ACTR3C: variants seen among roughly 807,000 people sequenced by gnomAD.
ACTR3C encodes the protein actin-related protein 3C.
Under a neutral mutation model 26.3 loss-of-function variants are expected in ACTR3C, and 18 were observed. That is an observed-to-expected ratio of 0.68 (90% confidence interval 0.47 to 1.01). ACTR3C has a LOEUF of 1.01. Among genes scored for constraint, ACTR3C ranks in the 50% least tolerant of loss-of-function variants. The pLI is 0.00. For synonymous variants in ACTR3C, 55 were observed against 94.5 expected, an observed-to-expected ratio of 0.58 and a Z score of 2.42; for missense variants, 184 against 250.7, an observed-to-expected ratio of 0.73 and a Z score of 1.80.
intron 6 of ACTR3C, among the ~76,000 whole-genome samples, chr7:150,263,539 C>A (rs1425711771): frequency 1.3e-5 from 2 of 150,892 alleles, no homozygotes; most frequent in Admixed American, 6.6e-5. Context: ...CAGAAAGAGA[C>A]AACACAGGAT....
At chr7:150,149,367 T>C in the ACTR3C span, among the ~76,000 whole-genome samples, 1 of 151,936 alleles carries the variant, frequency 6.6e-6, no homozygotes, top group African/African-American at 2.4e-5. Flanking sequence ...TATTATACTT[T>C]AAGTTCTAGG....
chr7:150,019,265 G>A, the ACTR3C span, among the ~76,000 whole-genome samples: 1 of 150,316 alleles, frequency 6.7e-6, no homozygotes, highest in Admixed American at 6.6e-5. Flanking sequence ...TACAGCCAGG[G>A]TTTTGTGAAA....
At chr7:149,908,869 C>T in the ACTR3C span, among the ~76,000 whole-genome samples, 6 of 151,886 alleles carry the variant, frequency 4.0e-5, no homozygotes, top group African/African-American at 1.2e-4. Context: ...GCAACCTCCA[C>T]CCCCCAGCTT....
At chr7:150,083,097 C>T in the ACTR3C span, among the ~76,000 whole-genome samples, 1 of 150,984 alleles carries the variant, frequency 6.6e-6, no homozygotes, top group Non-Finnish European at 1.5e-5. Context: ...AGGCACATAC[C>T]ACCATGCCCA....
the ACTR3C span, among the ~76,000 whole-genome samples, chr7:150,186,553 C>T: frequency 0.016 from 2,457 of 152,206 alleles, 74 homozygotes; most frequent in African/African-American, 0.056. Flanking sequence ...GGACTAACTC[C>T]CAATCCAGAT....
At chr7:150,042,128 C>G in the ACTR3C span, among the ~76,000 whole-genome samples, 1 of 61,404 alleles carries the variant, frequency 1.6e-5, no homozygotes, top group African/African-American at 7.5e-5. Flanking sequence ...CGATGGGGGT[C>G]CTAAGAGCCA....
chr7:150,060,205 C>G, the ACTR3C span, among the ~76,000 whole-genome samples: 1 of 152,056 alleles, frequency 6.6e-6, no homozygotes, highest in African/African-American at 2.4e-5. Context: ...ATTCTACATG[C>G]AGAGTCTATG....
chr7:150,142,294 G>A, the ACTR3C span, among the ~76,000 whole-genome samples: 3 of 152,130 alleles, frequency 2.0e-5, no homozygotes, highest in East Asian at 3.9e-4. Context: ...AATAGGATGC[G>A]TGTTAGAACC....
At chr7:150,102,367 T>C in the ACTR3C span, among the ~76,000 whole-genome samples, 1 of 152,002 alleles carries the variant, frequency 6.6e-6, no homozygotes. Context: ...TGAAATTAAA[T>C]ATAGAATATT....
the ACTR3C span, among the ~76,000 whole-genome samples, chr7:150,128,968 C>T: frequency 3.2e-4 from 48 of 150,584 alleles, no homozygotes; most frequent in Non-Finnish European, 3.3e-4. Context: ...ACTGAGGACA[C>T]AAAGCCCAGA....
At chr7:150,135,443 C>T in the ACTR3C span, among the ~76,000 whole-genome samples, 3 of 152,060 alleles carry the variant, frequency 2.0e-5, no homozygotes, top group East Asian at 1.9e-4. Context: ...AAGGAGGGAC[C>T]GGAATGGTTA....
At chr7:150,057,116 A>G in the ACTR3C span, among the ~76,000 whole-genome samples, 1 of 152,144 alleles carries the variant, frequency 6.6e-6, no homozygotes, top group Non-Finnish European at 1.5e-5. Context: ...TTTATCAAAT[A>G]ACATAGAATT....
the ACTR3C span, among the ~76,000 whole-genome samples, chr7:149,923,953 C>T: frequency 7.3e-5 from 11 of 151,528 alleles, no homozygotes; most frequent in South Asian, 2.1e-4. Flanking sequence ...GTCGACATCA[C>T]GCCACTGCAC....
chr7:150,036,876 G>A, the ACTR3C span, among the ~76,000 whole-genome samples: 1 of 127,342 alleles, frequency 7.9e-6, no homozygotes, highest in African/African-American at 2.8e-5. Flanking sequence ...GGGGGATGAG[G>A]GTCTGGCTCT....
At chr7:150,099,726 C>A in the ACTR3C span, among the ~76,000 whole-genome samples, 1 of 151,536 alleles carries the variant, frequency 6.6e-6, no homozygotes, top group Non-Finnish European at 1.5e-5. Flanking sequence ...GTCTCCTTAT[C>A]CTCGCCCTTA....
At chr7:149,963,904 A>C in the ACTR3C span, among the ~76,000 whole-genome samples, 1 of 152,226 alleles carries the variant, frequency 6.6e-6, no homozygotes, top group Non-Finnish European at 1.5e-5. Context: ...TATGTATATC[A>C]CTGCTAGTGA....
At chr7:150,097,883 C>A in the ACTR3C span, among the ~76,000 whole-genome samples, 1 of 151,394 alleles carries the variant, frequency 6.6e-6, no homozygotes, top group African/African-American at 2.4e-5. Context: ...TGGGCTTGGG[C>A]CTACCTTCTC....
the ACTR3C span, among the ~76,000 whole-genome samples, chr7:150,015,158 T>C: frequency 1.3e-5 from 2 of 152,184 alleles, no homozygotes; most frequent in Non-Finnish European, 2.9e-5. Context: ...CCAAATGCTA[T>C]GTGACTCTCT....
the ACTR3C span, among the ~76,000 whole-genome samples, chr7:150,232,222 A>G: frequency 1.3e-5 from 2 of 152,170 alleles, no homozygotes; most frequent in African/African-American, 4.8e-5. Flanking sequence ...CAAGATTTAT[A>G]TTTCTTAAAA....
Sources: gnomAD v4.1 joint callset for allele counts (sites outside exome capture counted in the v4.1 genomes callset) on GRCh38, gnomAD v4.1.1 for gene constraint, MANE v1.5 for transcripts, NCBI Gene and HGNC (gene_info 2026-07-23, HGNC 2026-07-21) for gene names.